The following UBE2R2 variants were observed in gnomAD, a reference collection of about 807,000 sequenced individuals.
UBE2R2 encodes ubiquitin conjugating enzyme E2 R2, also known as ubiquitin-conjugating enzyme E2 R2.
UBE2R2 carries 1 observed loss-of-function variant against 27.8 expected under a neutral mutation model. That is an observed-to-expected ratio of 0.04 (90% CI 0.01 to 0.17). The LOEUF is 0.17. UBE2R2 is among the 10% of genes least tolerant of loss of function. The pLI, the probability that UBE2R2 is intolerant of heterozygous loss-of-function variation, is 1.00. For missense variants in UBE2R2, 100 were observed against 291.0 expected, an observed-to-expected ratio of 0.34 and a Z score of 4.78; for synonymous variants, 106 against 113.3, an observed-to-expected ratio of 0.94 and a Z score of 0.41.
chr9:33,866,146 C>G (rs1052050199), intron 1 of UBE2R2, among the ~76,000 whole-genome samples: 3 of 151,640 alleles, frequency 2.0e-5, no homozygotes, highest in Non-Finnish European at 2.9e-5. Context: ...ATTTAGTTTT[C>G]TAATGTGCTT....
At chr9:33,844,363 C>G (rs910668565) in intron 1 of UBE2R2, among the ~76,000 whole-genome samples, 4 of 152,060 alleles carry the variant, frequency 2.6e-5, no homozygotes, top group Non-Finnish European at 5.9e-5. Context: ...CGCCACCATG[C>G]CCAGCTGATT....
At chr9:33,833,446 G>T (rs1820542732) in intron 1 of UBE2R2, among the ~76,000 whole-genome samples, 1 of 152,200 alleles carries the variant, frequency 6.6e-6, no homozygotes, top group East Asian at 1.9e-4. Flanking sequence ...CACCTGCCTC[G>T]GCCTCCCAAA....
rs570011644 is a variant in UBE2R2 at position 33,817,441 on chromosome 9, C to G, written c.-317C>G. The stretch of plus-strand genomic sequence containing the variant: ...CCGCTTCCACCTCCTCTCCCCCCCC[C>G]CAAGTTGAGGCCCCCTCCGGGGGGG... On this transcript the variant is annotated 5_prime_UTR_variant, in exon 1 of 5. Coordinates refer to ENST00000263228, the MANE Select transcript of UBE2R2 (RefSeq NM_017811.4). 2.9e-3 allele frequency: 450 copies of G among 154,992 alleles called. 3 individuals are homozygous for G. Among genetic ancestry groups the G allele is most frequent in the Non-Finnish European group, 3.1e-3 (216 of 70,448 alleles). The allele number at this position is 154,992 out of a possible 1,614,324, so 9.6% of individuals were successfully genotyped here.
chr9:33,847,806 G>A (rs1820880050), intron 1 of UBE2R2, among the ~76,000 whole-genome samples: 1 of 144,756 alleles, frequency 6.9e-6, no homozygotes, highest in Admixed American at 7.1e-5. Context: ...AGGCTGGAGT[G>A]CAATGACGTG....
chr9:33,907,828 T>C (rs1587482713), intron 3 of UBE2R2, among the ~76,000 whole-genome samples: 1 of 140,932 alleles, frequency 7.1e-6, no homozygotes, highest in African/African-American at 2.7e-5. Context: ...TTGTTTTGTT[T>C]TGTTGTTGTT....
chr9:33,818,600 C>T (rs1825893279), intron 1 of UBE2R2: 1 of 151,600 alleles, frequency 6.6e-6, no homozygotes, highest in African/African-American at 2.4e-5. Context: ...AACTTTAACC[C>T]TCTTTCCGTT....
chr9:33,887,892 T>G (rs891783388), intron 2 of UBE2R2, among the ~76,000 whole-genome samples: 1 of 152,112 alleles, frequency 6.6e-6, no homozygotes, highest in Non-Finnish European at 1.5e-5. Context: ...GGCCAGGCTG[T>G]TCTTGAATTC....
chr9:33,894,821 C>T (rs1351818751), intron 2 of UBE2R2, among the ~76,000 whole-genome samples: 3 of 152,154 alleles, frequency 2.0e-5, no homozygotes, highest in Non-Finnish European at 4.4e-5. Context: ...CACTTGAACC[C>T]GGGAGGTAGA....
At chr9:33,879,752 T>C (rs1252766277) in intron 1 of UBE2R2, among the ~76,000 whole-genome samples, 3 of 15,706 alleles carry the variant, frequency 1.9e-4, no homozygotes, top group Non-Finnish European at 4.5e-4. Flanking sequence ...TCACAAGACT[T>C]TTTTTTTTTT....
intron 2 of UBE2R2, among the ~76,000 whole-genome samples, chr9:33,893,742 G>A (rs189799386): frequency 6.6e-5 from 10 of 152,052 alleles, no homozygotes; most frequent in Admixed American, 3.3e-4. Flanking sequence ...AGCTATTCTC[G>A]TGCCTCAACC....
At chr9:33,873,300 C>T (rs2130782238) in intron 1 of UBE2R2, among the ~76,000 whole-genome samples, 1 of 151,942 alleles carries the variant, frequency 6.6e-6, no homozygotes, top group Admixed American at 6.6e-5. Context: ...TTTCCCCCAC[C>T]CCTTAGCACA....
chr9:33,881,265 GT>G (rs762154944), intron 1 of UBE2R2, among the ~76,000 whole-genome samples: 1 of 152,098 alleles, frequency 6.6e-6, no homozygotes, highest in Non-Finnish European at 1.5e-5. Flanking sequence ...TCTCCAGTTA[GT>G]TTAGTTTAGA....
intron 3 of UBE2R2, among the ~76,000 whole-genome samples, chr9:33,902,429 C>T (rs918315482): frequency 1.3e-5 from 2 of 152,120 alleles, no homozygotes; most frequent in Non-Finnish European, 2.9e-5. Flanking sequence ...GCATGTAAAC[C>T]TACTAGAATG....
Position 33,868,266 on chromosome 9 carries a change from TA to T in UBE2R2, c.178-18614del, listed in dbSNP as rs201819202. Among the ~76,000 whole-genome samples the T allele has an allele frequency of 5.9e-3, 899 of 152,136 alleles. 8 individuals carry two copies. The highest frequency in any genetic ancestry group is 0.02 in the African/African-American group (818 of 41,510). ...CTGAAGTCTTTTTATGGGCACAGGA[TA>T]GGGGCGGGGCAGGCCAAAAAGGCAA... is the stretch of plus-strand genomic sequence containing the variant. On this transcript the variant is annotated intron_variant, in intron 1 of 4. Coordinates refer to ENST00000263228, the MANE Select transcript of UBE2R2 (RefSeq NM_017811.4).
chr9:33,901,875 C>T (rs987633927), intron 3 of UBE2R2, among the ~76,000 whole-genome samples: 5 of 150,842 alleles, frequency 3.3e-5, no homozygotes, highest in Admixed American at 6.6e-5. Context: ...CTCACCTTGA[C>T]AACCATCATC....
chr9:33,880,002 C>T (rs996661407), intron 1 of UBE2R2, among the ~76,000 whole-genome samples: 3 of 151,748 alleles, frequency 2.0e-5, no homozygotes, highest in Non-Finnish European at 4.4e-5. Context: ...CCTTCTACCT[C>T]AGCCTCCCAA....
Position 33,917,399 on chromosome 9 carries a change from T to A in UBE2R2, c.*162T>A. On this transcript the variant is annotated 3_prime_UTR_variant, in exon 5 of 5. Transcript: ENST00000263228. Reference sequence around the variant, plus strand: ...CCCTTATGGATCTCAGTTTGCTCCTTTTTATGGACCTTTAATGGAGAGAGA... The same window carrying A: ...CCCTTATGGATCTCAGTTTGCTCCTATTTATGGACCTTTAATGGAGAGAGA... 1 of 1,039,166 alleles carries A rather than the reference T, an allele frequency of 9.6e-7. No homozygotes were observed. Among genetic ancestry groups the A allele is most frequent in the Non-Finnish European group, 1.4e-6 (1 of 728,628 alleles). 64.4% of individuals were successfully genotyped at this position (1,039,166 alleles called of 1,614,324 possible).
At chr9:33,848,589 C>CAT (rs979349783) in intron 1 of UBE2R2, among the ~76,000 whole-genome samples, 1 of 151,880 alleles carries the variant, frequency 6.6e-6, no homozygotes, top group Non-Finnish European at 1.5e-5. Flanking sequence ...GCTCTGACAC[C>CAT]ATACAGCTAT....
At position 33,856,807 on chromosome 9, in the gene UBE2R2, TTCCGTCCTTCCATCCATCCATCCGTCTG is replaced by T. The variant is rs1233245116; in HGVS notation, c.178-30034_178-30007del. Among the ~76,000 whole-genome samples, 1,283 of 151,606 alleles carry T rather than the reference TTCCGTCCTTCCATCCATCCATCCGTCTG, an allele frequency of 8.5e-3. 5 individuals carry two copies. The highest frequency in any genetic ancestry group is 0.014 in the Non-Finnish European group (967 of 67,852). ...CTGTAAAACCCCTTTACTTCTGTCC[TTCCGTCCTTCCATCCATCCATCCGTCTG>T]TCCGTCCTTCCATCCATCCATCCGT... On this transcript the variant is annotated intron_variant, in intron 1 of 4. Transcript: ENST00000263228.
Sources: gnomAD v4.1 joint callset for allele counts (sites outside exome capture counted in the v4.1 genomes callset) on GRCh38, gnomAD v4.1.1 for gene constraint, MANE v1.5 for transcripts, NCBI Gene and HGNC (gene_info 2026-07-23, HGNC 2026-07-21) for gene names.